Variants in MTHFD1L observed in about 807,000 individuals in gnomAD.
MTHFD1L encodes the protein monofunctional C1-tetrahydrofolate synthase, mitochondrial.
Under a neutral mutation model 119.5 loss-of-function variants are expected in MTHFD1L, and 81 were observed. The ratio of observed to expected loss-of-function variants is 0.68; its 90% CI spans 0.57 to 0.82. The LOEUF is 0.82. Among genes scored for constraint, MTHFD1L ranks in the 40% least tolerant of loss-of-function variants. The probability of loss-of-function intolerance (pLI) is 0.00; values close to 1 mark genes in which losing one functional copy is unlikely to be tolerated. For synonymous variants in MTHFD1L, 430 were observed against 475.2 expected (o/e 0.90, Z 1.24); for missense variants, 1,125 against 1,253.4 (o/e 0.90, Z 1.55).
chr6:150,867,234 C>T (rs1384723209), intron 1 of MTHFD1L, among the ~76,000 whole-genome samples: 1 of 152,182 alleles, frequency 6.6e-6, no homozygotes, highest in Non-Finnish European at 1.5e-5. Context: ...CTTTGTTGCT[C>T]AGGCTGGAGT....
chr6:150,946,023 A>T (rs532337121), intron 15 of MTHFD1L, among the ~76,000 whole-genome samples: 2 of 152,292 alleles, frequency 1.3e-5, no homozygotes, highest in Non-Finnish European at 2.9e-5. Context: ...AAAAAATAAC[A>T]AATTAGAATT....
intron 6 of MTHFD1L, among the ~76,000 whole-genome samples, chr6:150,886,458 A>T (rs899785237): frequency 6.9e-6 from 1 of 145,836 alleles, no homozygotes; most frequent in African/African-American, 2.5e-5. Context: ...AAAAAAAAAA[A>T]GAGAAGAAGA....
intron 11 of MTHFD1L, among the ~76,000 whole-genome samples, chr6:150,928,112 T>C (rs1484149490): frequency 6.6e-6 from 1 of 152,118 alleles, no homozygotes; most frequent in Non-Finnish European, 1.5e-5. Flanking sequence ...GTGAGTTCAA[T>C]TATTTATAAC....
chr6:151,078,052 C>CAAAAAAAAA (rs71014538), intron 26 of MTHFD1L, among the ~76,000 whole-genome samples: 8 of 59,908 alleles, frequency 1.3e-4, no homozygotes, highest in South Asian at 1.0e-3. Context: ...GACTCTGTCT[C>CAAAAAAAAA]AAAAAAAAAA....
chr6:150,945,446 A>T, intron 14 of MTHFD1L, 21 bp from the exon 15 acceptor site: 1 of 1,602,592 alleles, frequency 6.2e-7, no homozygotes, highest in South Asian at 1.1e-5. Flanking sequence ...GTGTGGTCTC[A>T]TTTTTGTTTT....
At chr6:150,960,869 CTTA>C (rs1180109617) in intron 18 of MTHFD1L, among the ~76,000 whole-genome samples, 1 of 152,058 alleles carries the variant, frequency 6.6e-6, no homozygotes, top group Non-Finnish European at 1.5e-5. Flanking sequence ...ACCAGCCTGG[CTTA>C]TTATTTAATT....
chr6:150,919,031 T>G (rs1308520440), intron 9 of MTHFD1L, among the ~76,000 whole-genome samples: 1 of 151,820 alleles, frequency 6.6e-6, no homozygotes. Flanking sequence ...ATTCTTGCAT[T>G]GCTATAAAGA....
At chr6:151,082,969 C>G (rs1283878217) in intron 26 of MTHFD1L, among the ~76,000 whole-genome samples, 1 of 152,130 alleles carries the variant, frequency 6.6e-6, no homozygotes, top group African/African-American at 2.4e-5. Flanking sequence ...GACTTTGGGT[C>G]CCCAGTAGAA....
chr6:151,066,437 CA>C (rs35065800), intron 26 of MTHFD1L, among the ~76,000 whole-genome samples: 9,331 of 50,554 alleles, frequency 0.18, 270 homozygotes, highest in Middle Eastern at 0.31. Flanking sequence ...GACTCCATCT[CA>C]AAAAAAAAAA....
chr6:151,002,500 G>A (rs113314564), intron 20 of MTHFD1L, among the ~76,000 whole-genome samples: 3 of 152,254 alleles, frequency 2.0e-5, no homozygotes, highest in Admixed American at 6.5e-5. Context: ...GCGGTAAGGC[G>A]GACAGCTGCC....
Position 150,866,031 on chromosome 6 carries a change from C to T in MTHFD1L, c.209C>T (p.Ala70Val). ...AGCCCCGGCGGCCGAACGCCCGCGG[C>T]GCGGGACTCCATCGTCAGGTGAGTG... ...SCSPGGRTPA[A>V]RDSIVREVIQ... The change falls in exon 1 of 28, where the codon GCG (alanine) becomes GTG (valine). Residue 70 changes from alanine (A) to valine (V), a missense_variant. Around this residue, in one of 3 missense-constraint regions of MTHFD1L, gnomAD observed 1,058 missense variants for 1,151.2 expected, o/e 0.92. Coordinates refer to ENST00000367321, the MANE Select transcript of MTHFD1L (RefSeq NM_015440.5). 6.9e-7 allele frequency: 1 copy of T among 1,442,492 alleles called. No individual in the cohort carries two copies. Among genetic ancestry groups the T allele is most frequent in the Non-Finnish European group, 9.1e-7 (1 of 1,104,860 alleles). The allele number at this position is 1,442,492 out of a possible 1,614,324, so 89.4% of individuals were successfully genotyped here. A position where few individuals can be genotyped will look rare whatever the true frequency, so the allele number is the denominator to read the frequency against.
At chr6:151,069,438 A>G (rs1026161165) in intron 26 of MTHFD1L, among the ~76,000 whole-genome samples, 1 of 151,964 alleles carries the variant, frequency 6.6e-6, no homozygotes, top group African/African-American at 2.4e-5. Flanking sequence ...CTAAATACAG[A>G]ATCCATACAG....
intron 1 of MTHFD1L, chr6:150,866,393 G>C (rs1426819680): frequency 7.3e-7 from 1 of 1,378,948 alleles, no homozygotes; most frequent in African/African-American, 1.5e-5. Flanking sequence ...AGACGGTAAA[G>C]GGGCGGTGCG....
At chr6:150,905,824 C>T (rs1785812287) in intron 8 of MTHFD1L, 63 bp downstream of exon 8, 1 of 1,278,344 alleles carries the variant, frequency 7.8e-7, no homozygotes, top group Non-Finnish European at 1.1e-6. Context: ...GAAATGTTAA[C>T]CTTTTCCTAA....
At chr6:151,028,518 C>G (rs1348556689) in intron 24 of MTHFD1L, among the ~76,000 whole-genome samples, 1 of 152,062 alleles carries the variant, frequency 6.6e-6, no homozygotes, top group African/African-American at 2.4e-5. Flanking sequence ...ACGGATGAAC[C>G]TTGAGAACAT....
intron 26 of MTHFD1L, among the ~76,000 whole-genome samples, chr6:151,083,301 G>T (rs201744364): frequency 3.3e-5 from 5 of 152,068 alleles, no homozygotes; most frequent in African/African-American, 9.7e-5. Context: ...AGGTTCAAGC[G>T]ATTCTCCTGC....
chr6:150,949,167 C>T (rs1255599593), intron 16 of MTHFD1L, 34 bp downstream of exon 16: 2 of 1,573,336 alleles, frequency 1.3e-6, no homozygotes, highest in Admixed American at 1.7e-5. Flanking sequence ...AGGCTGATGG[C>T]CAGGTGGGGA....
intron 19 of MTHFD1L, among the ~76,000 whole-genome samples, chr6:150,971,550 T>G (rs1798005876): frequency 6.6e-6 from 1 of 152,226 alleles, no homozygotes; most frequent in Non-Finnish European, 1.5e-5. Flanking sequence ...CATTTCTTAA[T>G]TAAAAAAATA....
At chr6:150,893,478 G>A (rs560731223) in intron 7 of MTHFD1L, among the ~76,000 whole-genome samples, 1 of 151,932 alleles carries the variant, frequency 6.6e-6, no homozygotes, top group African/African-American at 2.4e-5. Flanking sequence ...AAGGAAAAAA[G>A]AGAATAAGCT....
Sources: gnomAD v4.1 joint callset for allele counts (sites outside exome capture counted in the v4.1 genomes callset) on GRCh38, gnomAD v4.1.1 for gene constraint, gnomAD v4.1.1 regional missense constraint, MANE v1.5 for transcripts, NCBI Gene and HGNC (gene_info 2026-07-23, HGNC 2026-07-21) for gene names.